CNTN3: variants seen among roughly 807,000 people sequenced by gnomAD.
The protein encoded by CNTN3 is contactin-3.
In CNTN3, 60 loss-of-function variants were observed where a neutral mutation model predicts 119.1. That is an observed-to-expected ratio of 0.50 (90% CI 0.41 to 0.62). The LOEUF (loss-of-function observed/expected upper bound fraction) is 0.62. Among genes scored for constraint, CNTN3 ranks in the 20% least tolerant of loss-of-function variants. The pLI is 0.00. For synonymous variants in CNTN3, 450 were observed against 438.7 expected, an observed-to-expected ratio of 1.03 and a Z score of -0.32; for missense variants, 1,101 against 1,242.4, an observed-to-expected ratio of 0.89 and a Z score of 1.71.
chr3:74,537,773 G>A lies in CNTN3; in HGVS notation c.-80-16581C>T, dbSNP rs141826124. Among the ~76,000 whole-genome samples the A allele has an allele frequency of 7.4e-3, 1,120 of 152,218 alleles. 10 individuals are homozygous for A. Among genetic ancestry groups the A allele is most frequent in the Middle Eastern group, 0.01 (3 of 294 alleles). On this transcript the variant is annotated intron_variant, in intron 1 of 22. Transcript: ENST00000263665. Reference sequence around the variant, plus strand: ...AGCCTCAGCAAGAAGTACATTAACAGAGAAGGGAGGATTTCCTTCAAAACC... The same window carrying A: ...AGCCTCAGCAAGAAGTACATTAACAAAGAAGGGAGGATTTCCTTCAAAACC...
intron 19 of CNTN3, among the ~76,000 whole-genome samples, chr3:74,288,584 T>C (rs1702164722): frequency 6.6e-6 from 1 of 152,206 alleles, no homozygotes; most frequent in Non-Finnish European, 1.5e-5. Context: ...ATTAATTACA[T>C]TCTTCTGCCA....
At chr3:74,613,937 A>G (rs1382307706) in intron 1 of CNTN3, among the ~76,000 whole-genome samples, 5 of 152,194 alleles carry the variant, frequency 3.3e-5, no homozygotes, top group Non-Finnish European at 7.3e-5. Flanking sequence ...TCGCTAATGA[A>G]AGAATCGGCC....
intron 5 of CNTN3, among the ~76,000 whole-genome samples, chr3:74,401,114 G>C (rs1705179288): frequency 6.6e-6 from 1 of 152,108 alleles, no homozygotes. Flanking sequence ...CTTCTCAACT[G>C]ACAGGTTATA....
chr3:74,322,169 C>CAAAAAAA (rs35201394), intron 13 of CNTN3, among the ~76,000 whole-genome samples: 1 of 94,178 alleles, frequency 1.1e-5, no homozygotes, highest in African/African-American at 3.8e-5. Flanking sequence ...CTGGGTGACT[C>CAAAAAAA]AAAAAAAAAA....
At chr3:74,355,737 G>T (rs116185350) in intron 11 of CNTN3, among the ~76,000 whole-genome samples, 3,745 of 152,058 alleles carry the variant, frequency 0.025, 191 homozygotes, top group African/African-American at 0.085. Context: ...TTACAAGCAT[G>T]AGCCACCGCA....
At chr3:74,584,287 T>C (rs112123689) in intron 1 of CNTN3, among the ~76,000 whole-genome samples, 4,441 of 152,226 alleles carry the variant, frequency 0.029, 84 homozygotes, top group South Asian at 0.041. Context: ...GATGAGATAA[T>C]ATATAGGAAA....
At chr3:74,455,094 C>A (rs1271738694) in intron 4 of CNTN3, among the ~76,000 whole-genome samples, 4 of 152,074 alleles carry the variant, frequency 2.6e-5, no homozygotes. Context: ...TAATATCCTG[C>A]AGAGTGTTTT....
intron 1 of CNTN3, among the ~76,000 whole-genome samples, chr3:74,566,236 G>C (rs1704224033): frequency 6.6e-6 from 1 of 152,062 alleles, no homozygotes; most frequent in South Asian, 2.1e-4. Context: ...CAAAGTTAAA[G>C]GAAACCAACC....
At chr3:74,401,976 A>T (rs1341149966) in intron 5 of CNTN3, among the ~76,000 whole-genome samples, 1 of 152,236 alleles carries the variant, frequency 6.6e-6, no homozygotes, top group Admixed American at 6.5e-5. Flanking sequence ...TCTGTAAAAG[A>T]TACAAGGTCT....
At position 74,564,189 on chromosome 3, in the gene CNTN3, A is replaced by C. The variant is rs146709087; in HGVS notation, c.-80-42997T>G. Among the ~76,000 whole-genome samples, 70 of 152,256 alleles carry C rather than the reference A, an allele frequency of 4.6e-4. 2 individuals are homozygous for C. The highest frequency in any genetic ancestry group is 6.8e-3 in the Middle Eastern group (2 of 294). The stretch of plus-strand genomic sequence containing the variant: ...TCCCAGCAAGGTGATATCCAAGCTG[A>C]AATAAGAAACAATGAGCAGGTCAAA... On this transcript the variant is annotated intron_variant, in intron 1 of 22. Coordinates refer to ENST00000263665, the MANE Select transcript of CNTN3 (RefSeq NM_020872.3).
chr3:74,400,551 G>A (rs1338959419), intron 5 of CNTN3, among the ~76,000 whole-genome samples: 1 of 152,156 alleles, frequency 6.6e-6, no homozygotes, highest in Non-Finnish European at 1.5e-5. Context: ...GCACTTGCAG[G>A]CCATTATGAA....
chr3:74,420,123 G>A (rs950573226), intron 5 of CNTN3, among the ~76,000 whole-genome samples: 1 of 152,206 alleles, frequency 6.6e-6, no homozygotes, highest in African/African-American at 2.4e-5. Context: ...TGACTGGGAG[G>A]TGGCAGAAAA....
intron 4 of CNTN3, among the ~76,000 whole-genome samples, chr3:74,449,744 A>G (rs935879333): frequency 6.6e-6 from 1 of 152,148 alleles, no homozygotes; most frequent in African/African-American, 2.4e-5. Flanking sequence ...ATTTACCAAA[A>G]GCCACTTGGC....
intron 5 of CNTN3, among the ~76,000 whole-genome samples, chr3:74,399,345 T>C (rs34817351): frequency 0.31 from 46,549 of 151,906 alleles, 8,017 homozygotes; most frequent in Middle Eastern, 0.38. Flanking sequence ...CCCATCCATG[T>C]GATCATTTGT....
chr3:74,302,901 A>C, intron 13 of CNTN3, 94 bp from the exon 14 acceptor site: 1 of 746,992 alleles, frequency 1.3e-6, no homozygotes, highest in East Asian at 2.6e-5. Flanking sequence ...CATTGCAATG[A>C]AAACTATATT....
At chr3:74,279,541 T>C (rs996581905) in intron 20 of CNTN3, among the ~76,000 whole-genome samples, 3 of 151,812 alleles carry the variant, frequency 2.0e-5, no homozygotes, top group African/African-American at 7.3e-5. Flanking sequence ...ACCTCAGGAA[T>C]GGAAAACCAA....
intron 19 of CNTN3, among the ~76,000 whole-genome samples, chr3:74,293,648 T>C (rs1702278666): frequency 6.6e-6 from 1 of 152,030 alleles, no homozygotes; most frequent in African/African-American, 2.4e-5. Flanking sequence ...CTAATTTTTG[T>C]ATATTTTGTT....
intron 11 of CNTN3, among the ~76,000 whole-genome samples, chr3:74,342,297 A>T: frequency 6.6e-6 from 1 of 152,296 alleles, no homozygotes; most frequent in South Asian, 2.1e-4. Context: ...GTTCAAAGAT[A>T]ACCTGCAAAC....
At chr3:74,585,595 G>A (rs1029572901) in intron 1 of CNTN3, among the ~76,000 whole-genome samples, 2 of 151,776 alleles carry the variant, frequency 1.3e-5, no homozygotes, top group Non-Finnish European at 2.9e-5. Context: ...AAGTAATATC[G>A]ATCTTTTGTA....
Sources: allele counts gnomAD v4.1 joint callset (sites outside exome capture counted in the v4.1 genomes callset), GRCh38; gene constraint gnomAD v4.1.1; transcripts MANE v1.5; gene names NCBI Gene and HGNC (gene_info 2026-07-23, HGNC 2026-07-21).